AKAP1: variants seen among roughly 807,000 people sequenced by gnomAD.
AKAP1 encodes A-kinase anchoring protein 1.
In AKAP1, 32 loss-of-function variants were observed where a neutral mutation model predicts 79.8. The ratio of observed to expected loss-of-function variants is 0.40; its 90% confidence interval spans 0.30 to 0.54. AKAP1 has a LOEUF of 0.54. Ranked by LOEUF, AKAP1 falls within the 20% of genes least tolerant of loss-of-function variation. AKAP1 has a pLI of 0.47. For synonymous variants in AKAP1, 416 were observed against 466.7 expected, an observed-to-expected ratio of 0.89 and a Z score of 1.40; for missense variants, 961 against 1,138.9, an observed-to-expected ratio of 0.84 and a Z score of 2.25.
chr17:57,092,225 C>T (rs758512622), intron 1 of AKAP1: 1 of 152,204 alleles, frequency 6.6e-6, no homozygotes, highest in South Asian at 2.1e-4. Flanking sequence ...CTTGCTGGTT[C>T]CCTAGGCCAC....
chr17:57,105,473 C>G lies in AKAP1; in HGVS notation c.9C>G (p.Ile3Met). Residue 3 changes from isoleucine to methionine, a missense_variant, in exon 2 of 11, where the codon ATC (isoleucine) becomes ATG (methionine). Coordinates refer to ENST00000337714, the MANE Select transcript of AKAP1 (RefSeq NM_003488.4). ...TACTTCAAGCCTCCAGGATGGCAAT[C>G]CAGTTCCGTTCGCTCTTCCCCTTGG... Reference protein sequence around the residue: MAIQFRSLFPLAL... With the variant: MAMQFRSLFPLAL... 1 of 1,614,028 alleles carries G rather than the reference C, an allele frequency of 6.2e-7. No individual in the cohort carries two copies. Among genetic ancestry groups the G allele is most frequent in the Non-Finnish European group, 8.5e-7 (1 of 1,179,946 alleles).
rs1435170799 is a variant in AKAP1 at position 57,106,477 on chromosome 17, T to C, written c.1013T>C (p.Leu338Ser). Residue 338 changes from leucine (L) to serine (S), a missense_variant, in exon 2 of 11, where the codon TTG becomes TCG. Coordinates refer to ENST00000337714, the MANE Select transcript of AKAP1 (RefSeq NM_003488.4). ...EESLDRNEEGLDRNEEIKRAA... is the reference protein window; with the variant it reads ...EESLDRNEEGSDRNEEIKRAA... ...AGCTTGGATAGAAATGAGGAGGGCTTGGATAGAAATGAGGAGATTAAGCGG... is the reference window on the plus strand; with the variant it reads ...AGCTTGGATAGAAATGAGGAGGGCTCGGATAGAAATGAGGAGATTAAGCGG... 1 of 1,611,184 alleles carries C rather than the reference T, an allele frequency of 6.2e-7. No homozygotes were observed. Among genetic ancestry groups the C allele is most frequent in the African/African-American group, 1.4e-5 (1 of 72,434 alleles).
intron 1 of AKAP1, among the ~76,000 whole-genome samples, chr17:57,089,282 G>A (rs1913640363): frequency 6.6e-6 from 1 of 151,588 alleles, no homozygotes; most frequent in African/African-American, 2.4e-5. Flanking sequence ...GACTTAAGGG[G>A]AAAAAAAACA....
At chr17:57,099,806 A>G (rs1443026848) in intron 1 of AKAP1, among the ~76,000 whole-genome samples, 2 of 152,124 alleles carry the variant, frequency 1.3e-5, no homozygotes, top group African/African-American at 4.8e-5. Flanking sequence ...AGGGCAGGTG[A>G]AGTGCAGGGA....
intron 1 of AKAP1, among the ~76,000 whole-genome samples, chr17:57,100,750 C>T (rs753926270): frequency 1.3e-5 from 2 of 152,244 alleles, no homozygotes; most frequent in East Asian, 3.8e-4. Context: ...CACGGGCACA[C>T]TCCCCTATCC....
At chr17:57,114,875 G>A (rs569397489) in intron 6 of AKAP1, among the ~76,000 whole-genome samples, 9 of 151,836 alleles carry the variant, frequency 5.9e-5, no homozygotes, top group African/African-American at 2.2e-4. Context: ...TCCCAGCTCT[G>A]CCACTAATTT....
In AKAP1 at chr17:57,110,172, C is replaced by T. The variant is rs1367013197; in HGVS notation, c.1848+14C>T. ...GAGGTGCCAAAGGTAGGGGCGGAGT[C>T]CCCCAGGCTGGTTCTGTGGTAAGCC... On this transcript the variant is annotated intron_variant, in intron 3 of 10. Transcript: ENST00000337714. 2.5e-6 allele frequency: 4 copies of T among 1,613,220 alleles called. 1 individual carries two copies. The highest frequency in any genetic ancestry group is 3.4e-6 in the Non-Finnish European group (4 of 1,179,770).
At position 57,116,932 on chromosome 17, in the gene AKAP1, C is replaced by G; in HGVS notation, c.2500+5C>G. ...ACAGTGTGATGCCCCTGTCAGGTAA[C>G]AGCTGAGGCCTTTGGCTTGGGGGAT... is the stretch of plus-strand genomic sequence containing the variant. On this transcript the variant is annotated splice_donor_5th_base_variant and intron_variant, in intron 8 of 10. Transcript: ENST00000337714. 1 of 1,613,780 alleles carries G rather than the reference C, an allele frequency of 6.2e-7. No individual in the cohort carries two copies. Among genetic ancestry groups the G allele is most frequent in the Non-Finnish European group, 8.5e-7 (1 of 1,179,660 alleles).
intron 8 of AKAP1, 21 bp from the exon 9 acceptor site, chr17:57,118,359 GC>G (rs1567918389): frequency 6.2e-7 from 1 of 1,613,190 alleles, no homozygotes; most frequent in African/African-American, 1.3e-5. Flanking sequence ...CCTAAATGCC[GC>G]TTTTCCTTTT....
chr17:57,105,909 C>G lies in AKAP1; in HGVS notation c.445C>G (p.Leu149Val). 1.9e-6 allele frequency: 3 copies of G among 1,614,238 alleles called. No homozygotes were observed. The highest frequency in any genetic ancestry group is 1.3e-5 in the African/African-American group (1 of 75,062). ...CAAATCGATTCCTCTAGAGTGCCCCCTTTCATCCCCAAAGGGTGTACTATT... is the reference window on the plus strand; with the variant it reads ...CAAATCGATTCCTCTAGAGTGCCCCGTTTCATCCCCAAAGGGTGTACTATT... The part of the protein sequence containing the change: ...EAKSIPLECP[L>V]SSPKGVLFSS... The change falls in exon 2 of 11, where the codon CTT (leucine) becomes GTT (valine). Residue 149 changes from leucine (L) to valine (V), a missense_variant. By Grantham distance (32) the Leu-to-Val change is conservative (BLOSUM62 1). This residue lies in a region of AKAP1 where 224 missense variants were observed against 210.2 expected (regional missense o/e 1.07). Transcript: ENST00000337714.
chr17:57,114,249 G>C (rs142583503), intron 5 of AKAP1, among the ~76,000 whole-genome samples: 3 of 152,166 alleles, frequency 2.0e-5, no homozygotes, highest in Non-Finnish European at 4.4e-5. Flanking sequence ...ATGGCTGCTC[G>C]TGGTATTGCA....
At chr17:57,100,288 C>A (rs1005455360) in intron 1 of AKAP1, among the ~76,000 whole-genome samples, 7 of 152,164 alleles carry the variant, frequency 4.6e-5, no homozygotes, top group Non-Finnish European at 8.8e-5. Context: ...GAATCACAAT[C>A]TAAATTTACT....
At chr17:57,107,989 G>C in intron 2 of AKAP1, 1 of 1,289,004 alleles carries the variant, frequency 7.8e-7, no homozygotes, top group Non-Finnish European at 1.0e-6. Flanking sequence ...TGATAACGAG[G>C]TGTCCTGGGT....
intron 8 of AKAP1, among the ~76,000 whole-genome samples, chr17:57,118,106 G>A (rs867510754): frequency 1.3e-5 from 2 of 152,030 alleles, no homozygotes; most frequent in Non-Finnish European, 2.9e-5. Flanking sequence ...TGCTGCTGGT[G>A]GTATTGGTGG....
Position 57,097,155 on chromosome 17 carries a change from C to T in AKAP1, c.-24-8286C>T, listed in dbSNP as rs1246265021. Among the ~76,000 whole-genome samples the T allele has an allele frequency of 2.0e-5, 3 of 152,194 alleles. No homozygotes were observed. In the South Asian group the frequency reaches 6.2e-4, roughly 32 times the overall value. The stretch of plus-strand genomic sequence containing the variant: ...TACTTTGGGACTCACTGTTCCCTCC[C>T]ATGCCCAAAGATATTAGAACCTCAA... On this transcript the variant is annotated intron_variant, in intron 1 of 10. Transcript: ENST00000337714.
chr17:57,118,383 G>A lies in AKAP1; in HGVS notation c.2503G>A (p.Asp835Asn), dbSNP rs1269592958. 11 of 1,613,720 alleles carry A rather than the reference G, an allele frequency of 6.8e-6. No homozygotes were observed. Among genetic ancestry groups the A allele is most frequent in the South Asian group, 3.3e-5 (3 of 91,070 alleles). The change falls in exon 9 of 11, where the codon GAT becomes AAT. Residue 835 changes from aspartate to asparagine, a missense_variant and splice_region_variant. Physicochemically the swap from Asp to Asn is conservative, Grantham distance 23. This residue lies in a region of AKAP1 where 629 missense variants were observed against 781.1 expected (regional missense o/e 0.81). Coordinates refer to ENST00000337714, the MANE Select transcript of AKAP1 (RefSeq NM_003488.4). The part of the protein sequence containing the change: ...LLDSVMPLSD[D>N]DQFSPEADAA... ...CGCTTTTCCTTTTCCTCCTGAAGAC[G>A]ATGACCAGTTTTCACCGGAAGCAGA...
Position 57,116,110 on chromosome 17 carries a change from G to C in AKAP1, c.2282-1G>C. 1 of 1,612,380 alleles carries C rather than the reference G, an allele frequency of 6.2e-7. No individual in the cohort carries two copies. Among genetic ancestry groups the C allele is most frequent in the South Asian group, 1.1e-5 (1 of 91,072 alleles). ...CACGCACTCTGCTCCCTACCCTGCA[G>C]TAACGGTCATCTGTGCCGCCCCTGG... is the stretch of plus-strand genomic sequence containing the variant. On this transcript the variant is annotated splice_acceptor_variant, in intron 6 of 10. Transcript: ENST00000337714. LOFTEE classifies it high-confidence loss of function.
intron 1 of AKAP1, among the ~76,000 whole-genome samples, chr17:57,087,114 G>A (rs1285568811): frequency 2.0e-5 from 3 of 152,208 alleles, no homozygotes; most frequent in African/African-American, 7.2e-5. Flanking sequence ...CTAGGTTAGA[G>A]GAGGTCCTCT....
At chr17:57,090,683 T>C (rs57442656) in intron 1 of AKAP1, among the ~76,000 whole-genome samples, 8,845 of 152,282 alleles carry the variant, frequency 0.058, 631 homozygotes, top group African/African-American at 0.18. Flanking sequence ...CTTCATTTTA[T>C]GGGAAACTGA....
Sources: gnomAD v4.1 joint callset for allele counts (sites outside exome capture counted in the v4.1 genomes callset) on GRCh38, gnomAD v4.1.1 for gene constraint, gnomAD v4.1.1 regional missense constraint, MANE v1.5 for transcripts, NCBI Gene and HGNC (gene_info 2026-07-23, HGNC 2026-07-21) for gene names.